The following ZCCHC14 variants were observed in gnomAD, a reference collection of about 807,000 sequenced individuals.
ZCCHC14 encodes zinc finger CCHC domain-containing protein 14.
A neutral mutation model predicts 85.0 loss-of-function variants in ZCCHC14; 16 were observed. The observed-to-expected ratio is 0.19, with a 90% CI of 0.13 to 0.29. ZCCHC14 has a LOEUF of 0.29. ZCCHC14 is among the 10% of genes least tolerant of loss of function. The pLI is 1.00. For missense variants in ZCCHC14, 1,303 were observed against 1,443.5 expected (o/e 0.90, Z 1.58); for synonymous variants, 775 against 630.7 (o/e 1.23, Z -3.43).
intron 1 of ZCCHC14, among the ~76,000 whole-genome samples, chr16:87,461,817 C>G (rs926958228): frequency 6.6e-6 from 1 of 152,268 alleles, no homozygotes; most frequent in Non-Finnish European, 1.5e-5. Context: ...GCGAGATCCT[C>G]TGATCCCAGC....
chr16:87,411,611 T>C lies in ZCCHC14; in HGVS notation c.3110A>G (p.His1037Arg). The change falls in exon 12 of 13, where the codon CAC becomes CGC. Residue 1037 changes from histidine to arginine, a missense_variant. His to Arg is a conservative substitution (Grantham distance 29). Around this residue, in one of 7 missense-constraint regions of ZCCHC14, gnomAD observed 797 missense variants for 730.8 expected, o/e 1.09. Coordinates refer to ENST00000671377, the MANE Select transcript of ZCCHC14 (RefSeq NM_015144.3). ...GLVGSSNGSS[H>R]KKSGNLSCYN... ...ACAAGATAGGTTCCCGCTCTTTTTG[T>C]GACTGGAACCATTGCTACTGCCCAC... 2 of 1,613,924 alleles carry C rather than the reference T, an allele frequency of 1.2e-6. No individual in the cohort carries two copies. The highest frequency in any genetic ancestry group is 1.7e-6 in the Non-Finnish European group (2 of 1,180,020).
chr16:87,418,905 T>A lies in ZCCHC14; in HGVS notation c.1046-4A>T, dbSNP rs911995975. On this transcript the variant is annotated splice_polypyrimidine_tract_variant and splice_region_variant and intron_variant, in intron 6 of 12. Transcript: ENST00000671377. ...GAAAGGGAGGGATTGCCAGGACCTA[T>A]AAATTTAAAAATAAATACCATAAAA... is the stretch of plus-strand genomic sequence containing the variant. 1.3e-5 allele frequency: 21 copies of A among 1,605,348 alleles called. 1 individual carries two copies. In the African/African-American group the frequency reaches 1.9e-4, roughly 14 times the overall value.
At chr16:87,425,101 C>G (rs1909300357) in intron 3 of ZCCHC14, among the ~76,000 whole-genome samples, 1 of 152,060 alleles carries the variant, frequency 6.6e-6, no homozygotes, top group Admixed American at 6.6e-5. Context: ...CATCACGTAG[C>G]GTCACTCCTG....
chr16:87,478,318 T>A (rs532046295), intron 1 of ZCCHC14, among the ~76,000 whole-genome samples: 1 of 152,178 alleles, frequency 6.6e-6, no homozygotes, highest in Non-Finnish European at 1.5e-5. Flanking sequence ...AAGAATTCCA[T>A]GATTCTGCTT....
At position 87,470,016 on chromosome 16, in the gene ZCCHC14, G is replaced by A. The variant is rs142191060; in HGVS notation, c.571-9885C>T. Among the ~76,000 whole-genome samples, 316 of 152,298 alleles carry A rather than the reference G, an allele frequency of 2.1e-3. 2 individuals are homozygous for A. The highest frequency in any genetic ancestry group is 7.3e-3 in the African/African-American group (304 of 41,556). ...GCACTTTGGGGGGCTGAGGCAGGAG[G>A]ATCGCTTGAGCCCAGTAGTTCAAAA... On this transcript the variant is annotated intron_variant, in intron 1 of 12. Transcript: ENST00000671377.
At position 87,413,102 on chromosome 16, in the gene ZCCHC14, A is replaced by C; in HGVS notation, c.1697T>G (p.Val566Gly). 1 of 1,613,860 alleles carries C rather than the reference A, an allele frequency of 6.2e-7. No individual in the cohort carries two copies. Among genetic ancestry groups the C allele is most frequent in the Non-Finnish European group, 8.5e-7 (1 of 1,179,944 alleles). ...YSSSSSSPMGVQAREESSDSA... is the reference protein window; with the variant it reads ...YSSSSSSPMGGQAREESSDSA... ...GTCGGAGCTCTCTTCCCGGGCCTGT[A>C]CCCCCATGGGGCTGGAGGAGGAGCT... The change falls in exon 11 of 13, where the codon GTA (valine) becomes GGA (glycine). Residue 566 changes from valine (V) to glycine (G), a missense_variant. By Grantham distance (109) the Val-to-Gly change is moderately radical (BLOSUM62 -3). This residue lies in a region of ZCCHC14 where 797 missense variants were observed against 730.8 expected (regional missense o/e 1.09). Transcript: ENST00000671377.
chr16:87,440,772 G>A (rs533390096), intron 2 of ZCCHC14, among the ~76,000 whole-genome samples: 59 of 151,422 alleles, frequency 3.9e-4, no homozygotes, highest in Non-Finnish European at 6.9e-4. Flanking sequence ...ATGCCCAGCC[G>A]ATTTTTGTAT....
chr16:87,482,928 T>C (rs1252681417), intron 1 of ZCCHC14, among the ~76,000 whole-genome samples: 2 of 152,178 alleles, frequency 1.3e-5, no homozygotes, highest in African/African-American at 4.8e-5. Flanking sequence ...ATGTGTATTA[T>C]GTATGCACAA....
At chr16:87,461,932 G>A (rs1016106140) in intron 1 of ZCCHC14, among the ~76,000 whole-genome samples, 1 of 152,168 alleles carries the variant, frequency 6.6e-6, no homozygotes, top group Non-Finnish European at 1.5e-5. Context: ...TCCAAGAAAA[G>A]CAACTTGTCA....
intron 2 of ZCCHC14, among the ~76,000 whole-genome samples, chr16:87,458,670 G>C (rs186855497): frequency 1.3e-5 from 2 of 152,328 alleles, no homozygotes; most frequent in African/African-American, 4.8e-5. Context: ...TGAAGCCTGT[G>C]GAAGGCACGA....
rs1910818306 is a variant in ZCCHC14 at position 87,453,664 on chromosome 16, C to T, written c.694+6344G>A. On this transcript the variant is annotated intron_variant, in intron 2 of 12. Coordinates refer to ENST00000671377, the MANE Select transcript of ZCCHC14 (RefSeq NM_015144.3). ...CTGCCCCCACCAGCAGAAGCCTCGA[C>T]CTTGTCCAGACAATATTCCCTGTTG... Among the ~76,000 whole-genome samples the T allele has an allele frequency of 2.6e-5, 4 of 152,236 alleles. No homozygotes were observed. In the South Asian group the frequency reaches 8.3e-4, roughly 31 times the overall value.
Position 87,407,513 on chromosome 16 carries a change from A to C in ZCCHC14, c.*2767T>G, listed in dbSNP as rs1908256407. 1 of 152,276 alleles carries C rather than the reference A, an allele frequency of 6.6e-6. No homozygotes were observed. Among genetic ancestry groups the C allele is most frequent in the South Asian group, 2.1e-4 (1 of 4,836 alleles). The allele number at this position is 152,276 out of a possible 1,614,324, so 9.4% of individuals were successfully genotyped here. ...GAAAACTGAGTGTTTTGCTTAAAAA[A>C]TAAAAAAGGATTAAATAGCTGTTGT... is the stretch of plus-strand genomic sequence containing the variant. On this transcript the variant is annotated 3_prime_UTR_variant, in exon 13 of 13. Transcript: ENST00000671377.
chr16:87,485,155 G>A (rs970682779), intron 1 of ZCCHC14, among the ~76,000 whole-genome samples: 2 of 152,180 alleles, frequency 1.3e-5, no homozygotes, highest in African/African-American at 4.8e-5. Flanking sequence ...TGGGTCCAGG[G>A]CTTTGTGGCC....
intron 1 of ZCCHC14, among the ~76,000 whole-genome samples, chr16:87,460,979 C>A (rs573455962): frequency 1.3e-5 from 2 of 152,322 alleles, no homozygotes; most frequent in East Asian, 1.9e-4. Flanking sequence ...AGTACTCACA[C>A]GTGAGAAAAT....
At chr16:87,444,193 T>TA in intron 2 of ZCCHC14, among the ~76,000 whole-genome samples, 1 of 152,216 alleles carries the variant, frequency 6.6e-6, no homozygotes, top group Middle Eastern at 3.4e-3. Flanking sequence ...CATTTCCCAC[T>TA]AAATGAACCT....
intron 1 of ZCCHC14, among the ~76,000 whole-genome samples, chr16:87,479,143 G>A (rs1301048173): frequency 6.6e-6 from 1 of 152,000 alleles, no homozygotes; most frequent in African/African-American, 2.4e-5. Context: ...TAGGCTGGGC[G>A]TGGTGGCTCA....
chr16:87,408,571 A>G lies in ZCCHC14; in HGVS notation c.*1709T>C, dbSNP rs531696188. 6.5e-6 allele frequency: 1 copy of G among 152,762 alleles called. No homozygotes were observed. Among genetic ancestry groups the G allele is most frequent in the African/African-American group, 2.4e-5 (1 of 41,584 alleles). 9.5% of individuals were successfully genotyped at this position (152,762 alleles called of 1,614,324 possible). ...TGTAATAAGCATCACCATTACTTCAACACTGTAATACTGTGTACCATGAGG... is the reference window on the plus strand; with the variant it reads ...TGTAATAAGCATCACCATTACTTCAGCACTGTAATACTGTGTACCATGAGG... On this transcript the variant is annotated 3_prime_UTR_variant, in exon 13 of 13. Coordinates refer to ENST00000671377, the MANE Select transcript of ZCCHC14 (RefSeq NM_015144.3).
Position 87,412,200 on chromosome 16 carries a change from T to C in ZCCHC14, c.2521A>G (p.Ser841Gly), listed in dbSNP as rs763144434. The change falls in exon 12 of 13, where the codon AGC (serine) becomes GGC (glycine). Residue 841 changes from serine to glycine, a missense_variant. Physicochemically the swap from Ser to Gly is moderately conservative, Grantham distance 56. This residue lies in a region of ZCCHC14 where 797 missense variants were observed against 730.8 expected (regional missense o/e 1.09). Transcript: ENST00000671377. ...TGGCTGCTGGGAGAGGCAGTGTTGC[T>C]GTTTGCACAGAAGCCACCCTGCAGG... Reference protein sequence around the residue: ...GPLQGGFCANSNTASPSSHPS... With the variant: ...GPLQGGFCANGNTASPSSHPS... 4 of 1,613,902 alleles carry C rather than the reference T, an allele frequency of 2.5e-6. No homozygotes were observed. Among genetic ancestry groups the C allele is most frequent in the Non-Finnish European group, 3.4e-6 (4 of 1,180,054 alleles).
intron 1 of ZCCHC14, among the ~76,000 whole-genome samples, chr16:87,487,752 G>C (rs1332739295): frequency 6.6e-6 from 1 of 152,260 alleles, no homozygotes; most frequent in African/African-American, 2.4e-5. Context: ...ACCCGCTGAA[G>C]AATGCGTGAG....
Sources: gnomAD v4.1 joint callset for allele counts (sites outside exome capture counted in the v4.1 genomes callset) on GRCh38, gnomAD v4.1.1 for gene constraint, gnomAD v4.1.1 regional missense constraint, MANE v1.5 for transcripts, NCBI Gene and HGNC (gene_info 2026-07-23, HGNC 2026-07-21) for gene names.